ATP11B: variants seen among roughly 807,000 people sequenced by gnomAD.
ATP11B encodes the protein phospholipid-transporting ATPase IF.
Under a neutral mutation model 157.8 loss-of-function variants are expected in ATP11B, and 81 were observed. The observed-to-expected ratio is 0.51, with a 90% CI of 0.43 to 0.62. The LOEUF is 0.62. Among genes scored for constraint, ATP11B ranks in the 20% least tolerant of loss-of-function variants. The pLI is 0.00. For missense variants in ATP11B, 1,165 were observed against 1,402.2 expected (o/e 0.83, Z 2.70); for synonymous variants, 451 against 469.4 (o/e 0.96, Z 0.51).
intron 1 of ATP11B, among the ~76,000 whole-genome samples, chr3:182,819,079 C>CTTT (rs11398702): frequency 2.9e-4 from 39 of 135,202 alleles, no homozygotes; most frequent in African/African-American, 8.8e-4. Context: ...TCTAATATTT[C>CTTT]TTTTTTTTTT....
chr3:182,879,564 G>A lies in ATP11B; in HGVS notation c.2321G>A (p.Arg774Lys). 6.2e-7 allele frequency: 1 copy of A among 1,614,102 alleles called. No individual in the cohort carries two copies. ...VDGTSLSLALREHEKLFMEVC... is the reference protein window; with the variant it reads ...VDGTSLSLALKEHEKLFMEVC... ...GGGACCAGCCTATCTCTTGCACTCAGGGAGCATGAAAAACTATTTATGGAA... is the reference window on the plus strand; with the variant it reads ...GGGACCAGCCTATCTCTTGCACTCAAGGAGCATGAAAAACTATTTATGGAA... The change falls in exon 20 of 30, where the codon AGG becomes AAG. Residue 774 changes from arginine (R) to lysine (K), a missense_variant. Around this residue, in one of 4 missense-constraint regions of ATP11B, gnomAD observed 737 missense variants for 930.5 expected, o/e 0.79. Transcript: ENST00000323116.
chr3:182,918,144 T>C lies in ATP11B; in HGVS notation c.*40T>C. The C allele has an allele frequency of 1.9e-6, 3 of 1,608,912 alleles. No individual in the cohort carries two copies. The highest frequency in any genetic ancestry group is 2.5e-6 in the Non-Finnish European group (3 of 1,177,728). On this transcript the variant is annotated 3_prime_UTR_variant, in exon 30 of 30. Coordinates refer to ENST00000323116, the MANE Select transcript of ATP11B (RefSeq NM_014616.3). ...TTTGTGGGAGCCAGTTCACCTCCTTTCCTAAAATTCAGTGTGATCACCCTG... is the reference window on the plus strand; with the variant it reads ...TTTGTGGGAGCCAGTTCACCTCCTTCCCTAAAATTCAGTGTGATCACCCTG...
In ATP11B at chr3:182,921,159, T is replaced by C. The variant is rs1725459676; in HGVS notation, c.*3055T>C. ...GAAGGCTGTAGGAAAAGGGAGAATC[T>C]TCCATGTTGGTGTTTTTCCTGTAAA... On this transcript the variant is annotated 3_prime_UTR_variant, in exon 30 of 30. Coordinates refer to ENST00000323116, the MANE Select transcript of ATP11B (RefSeq NM_014616.3). The C allele has an allele frequency of 6.6e-6, 1 of 152,186 alleles. No homozygotes were observed. The highest frequency in any genetic ancestry group is 1.5e-5 in the Non-Finnish European group (1 of 68,032). 9.4% of individuals were successfully genotyped at this position (152,186 alleles called of 1,614,324 possible). A position where few individuals can be genotyped will look rare whatever the true frequency, so the allele number is the denominator to read the frequency against.
intron 11 of ATP11B, 79 bp from the exon 12 acceptor site, chr3:182,859,083 T>C (rs1720637464): frequency 9.7e-7 from 1 of 1,030,346 alleles, no homozygotes. Context: ...GCATGAAACT[T>C]TCTGGTAATT....
At chr3:182,825,744 A>C (rs575566614) in intron 2 of ATP11B, among the ~76,000 whole-genome samples, 2 of 150,036 alleles carry the variant, frequency 1.3e-5, no homozygotes, top group South Asian at 4.2e-4. Context: ...AAAAAAATAC[A>C]GAAAAATTAG....
At chr3:182,836,529 T>C (rs769242585) in intron 6 of ATP11B, 59 bp downstream of exon 6, 1 of 1,602,858 alleles carries the variant, frequency 6.2e-7, no homozygotes, top group East Asian at 2.2e-5. Context: ...TGGATTATAA[T>C]TATACTTAAC....
intron 29 of ATP11B, chr3:182,915,904 A>C (rs1725109673): frequency 2.1e-6 from 2 of 967,242 alleles, no homozygotes; most frequent in Non-Finnish European, 2.5e-6. Flanking sequence ...TAACTTAGTA[A>C]TTAATATCAT....
rs578212403 is a variant in ATP11B, at chr3:182,858,676, A to C, written c.1003-486A>C. On this transcript the variant is annotated intron_variant, in intron 11 of 29. Coordinates refer to ENST00000323116, the MANE Select transcript of ATP11B (RefSeq NM_014616.3). ...TGCATATTGAAATATGGAGCCGCTA[A>C]AGCCGTTAAAGTAGGCTATTCCTAT... Among the ~76,000 whole-genome samples the C allele has an allele frequency of 3.6e-4, 55 of 152,300 alleles. No homozygotes were observed. The South Asian group carries it at 0.011, about 30-fold the overall frequency.
chr3:182,917,977 A>T, intron 29 of ATP11B, 46 bp from the exon 30 acceptor site: 2 of 1,599,972 alleles, frequency 1.3e-6, no homozygotes, highest in Middle Eastern at 3.4e-4. Context: ...TCTCAATTAA[A>T]ACATAGGTCC....
chr3:182,917,194 A>G (rs1725197033), intron 29 of ATP11B: 1 of 985,374 alleles, frequency 1.0e-6, no homozygotes, highest in African/African-American at 1.7e-5. Context: ...GGAAGGTGGG[A>G]ACCCTGGAAA....
chr3:182,859,757 A>G (rs2315349), intron 12 of ATP11B, among the ~76,000 whole-genome samples: 129,122 of 152,116 alleles, frequency 0.85, 55,085 homozygotes, highest in African/African-American at 0.9. Flanking sequence ...GGTTCTATAG[A>G]TGTGTCCTGT....
chr3:182,875,847 A>C (rs2108553950), intron 19 of ATP11B, among the ~76,000 whole-genome samples: 1 of 152,368 alleles, frequency 6.6e-6, no homozygotes. Flanking sequence ...GGACAGTGTC[A>C]ACAACATTGT....
rs957414788 is a variant in ATP11B at position 182,883,751 on chromosome 3, C to T, written c.2510-1002C>T. Among the ~76,000 whole-genome samples the T allele has an allele frequency of 2.0e-5, 3 of 150,334 alleles. 1 individual carries two copies. The highest frequency in any genetic ancestry group is 4.2e-4 in the South Asian group (2 of 4,754). ...CGGGCGGATCACGAGGTCAGGAGAT[C>T]GAGACCATCCCGGCTAAAACGGTGA... is the stretch of plus-strand genomic sequence containing the variant. On this transcript the variant is annotated intron_variant, in intron 21 of 29. Transcript: ENST00000323116.
rs1251076821 is a variant in ATP11B at position 182,914,745 on chromosome 3, A to C, written c.3452+751A>C. 4.1e-6 allele frequency: 4 copies of C among 985,296 alleles called. No individual in the cohort carries two copies. In the African/African-American group the frequency reaches 7.0e-5, roughly 17 times the overall value. 61.0% of individuals were successfully genotyped at this position (985,296 alleles called of 1,614,324 possible). On this transcript the variant is annotated intron_variant, in intron 29 of 29. Coordinates refer to ENST00000323116, the MANE Select transcript of ATP11B (RefSeq NM_014616.3). ...ACACCTTTTGGTAAACACCATTTAA[A>C]ATTCATTTAAACTTGCAATGGATTT...
chr3:182,890,141 C>T (rs911750948), intron 25 of ATP11B, among the ~76,000 whole-genome samples: 2 of 151,842 alleles, frequency 1.3e-5, no homozygotes, highest in Admixed American at 6.6e-5. Flanking sequence ...AAACAGTACA[C>T]TGTTACACTG....
intron 4 of ATP11B, among the ~76,000 whole-genome samples, chr3:182,832,224 A>C (rs1718204330): frequency 6.6e-6 from 1 of 152,176 alleles, no homozygotes; most frequent in Non-Finnish European, 1.5e-5. Flanking sequence ...AGAAAGCAAA[A>C]AGGTTATGCC....
chr3:182,909,791 C>T (rs1002636819), intron 28 of ATP11B, among the ~76,000 whole-genome samples: 10 of 152,160 alleles, frequency 6.6e-5, no homozygotes, highest in East Asian at 5.8e-4. Flanking sequence ...AGGCTGGCCA[C>T]GGTGGCTCAT....
At chr3:182,839,321 G>T (rs532299912) in intron 7 of ATP11B, among the ~76,000 whole-genome samples, 1 of 152,236 alleles carries the variant, frequency 6.6e-6, no homozygotes, top group Non-Finnish European at 1.5e-5. Flanking sequence ...AAAAATAACT[G>T]TTGGGTACTA....
intron 1 of ATP11B, among the ~76,000 whole-genome samples, chr3:182,815,275 T>C (rs1469147329): frequency 6.6e-6 from 1 of 152,142 alleles, no homozygotes; most frequent in East Asian, 1.9e-4. Flanking sequence ...ACTGTTTACA[T>C]TGTGGGTGTT....
Sources: allele counts gnomAD v4.1 joint callset (sites outside exome capture counted in the v4.1 genomes callset), GRCh38; gene constraint gnomAD v4.1.1; regional missense constraint gnomAD v4.1.1; transcripts MANE v1.5; gene names NCBI Gene and HGNC (gene_info 2026-07-23, HGNC 2026-07-21).